The following NRXN1 variants were observed in gnomAD, a reference collection of about 807,000 sequenced individuals.
The protein encoded by NRXN1 is neurexin-1.
In NRXN1, 39 loss-of-function variants were observed where a neutral mutation model predicts 150.9. The ratio of observed to expected loss-of-function variants is 0.26; its 90% CI spans 0.20 to 0.34. NRXN1 has a LOEUF of 0.34. Among genes scored for constraint, NRXN1 ranks in the 10% least tolerant of loss-of-function variants. The pLI is 1.00. For missense variants in NRXN1, 1,815 were observed against 1,949.9 expected, an observed-to-expected ratio of 0.93 and a Z score of 1.30; for synonymous variants, 924 against 757.0, an observed-to-expected ratio of 1.22 and a Z score of -3.62.
At chr2:50,677,981 T>C (rs1689790125) in intron 5 of NRXN1, among the ~76,000 whole-genome samples, 1 of 152,112 alleles carries the variant, frequency 6.6e-6, no homozygotes, top group Admixed American at 6.6e-5. Context: ...ATATTAAATT[T>C]TCCTTCATTA....
At position 50,091,440 on chromosome 2, in the gene NRXN1, C is replaced by T. The variant is rs749855443; in HGVS notation, c.3601G>A (p.Glu1201Lys). 1 of 1,614,192 alleles carries T rather than the reference C, an allele frequency of 6.2e-7. No individual in the cohort carries two copies. Among genetic ancestry groups the T allele is most frequent in the South Asian group, 1.1e-5 (1 of 91,090 alleles). Residue 1201 changes from glutamate (E) to lysine (K), a missense_variant, in exon 19 of 23, where the codon GAA becomes AAA. Around this residue, in one of 6 missense-constraint regions of NRXN1, gnomAD observed 339 missense variants for 440.3 expected, o/e 0.77. Coordinates refer to ENST00000401669, the MANE Select transcript of NRXN1 (RefSeq NM_001330078.2). ...FNVGTDDIAI[E>K]ESNAIINDGK... is the part of the protein sequence containing the mutation. Reference sequence around the variant, plus strand: ...TCATTAATGATTGCATTGGATTCTTCAATGGCGATGTCATCTGTCCCAACA... The same window carrying T: ...TCATTAATGATTGCATTGGATTCTTTAATGGCGATGTCATCTGTCCCAACA...
chr2:50,246,524 T>A (rs2066521845), intron 17 of NRXN1, among the ~76,000 whole-genome samples: 1 of 152,116 alleles, frequency 6.6e-6, no homozygotes, highest in Non-Finnish European at 1.5e-5. Context: ...GCCTATCTGC[T>A]ATACTTAAGT....
chr2:50,924,559 T>C (rs927581520), intron 3 of NRXN1, among the ~76,000 whole-genome samples: 4 of 151,686 alleles, frequency 2.6e-5, no homozygotes, highest in African/African-American at 4.8e-5. Flanking sequence ...TTAAACTCAG[T>C]TGACATGCAC....
intron 5 of NRXN1, among the ~76,000 whole-genome samples, chr2:50,873,315 T>C (rs1439270209): frequency 1.3e-5 from 2 of 151,864 alleles, no homozygotes; most frequent in Non-Finnish European, 2.9e-5. Flanking sequence ...AAACAAATCT[T>C]GATAGCCAAA....
rs188614313 is a variant in NRXN1, at chr2:50,480,076, T to C, written c.3071-7605A>G. Among the ~76,000 whole-genome samples the C allele has an allele frequency of 6.9e-4, 105 of 152,326 alleles. 1 individual carries two copies. The highest frequency in any genetic ancestry group is 2.5e-3 in the African/African-American group (104 of 41,568). On this transcript the variant is annotated intron_variant, in intron 15 of 22. Coordinates refer to ENST00000401669, the MANE Select transcript of NRXN1 (RefSeq NM_001330078.2). ...GCGTAAGCCACCATGCCCGGCCTGATCCCTTTCTTAAACACAAAGGTGAAG... is the reference window on the plus strand; with the variant it reads ...GCGTAAGCCACCATGCCCGGCCTGACCCCTTTCTTAAACACAAAGGTGAAG...
At chr2:50,342,414 T>G (rs2077613347) in intron 17 of NRXN1, among the ~76,000 whole-genome samples, 1 of 152,228 alleles carries the variant, frequency 6.6e-6, no homozygotes, top group African/African-American at 2.4e-5. Context: ...ACATTCTGGG[T>G]CACACATATG....
intron 17 of NRXN1, among the ~76,000 whole-genome samples, chr2:50,397,904 A>T (rs1052838455): frequency 4.6e-5 from 7 of 152,194 alleles, no homozygotes; most frequent in African/African-American, 1.7e-4. Context: ...ATTGACCAAC[A>T]AATACAGTAA....
Position 50,795,176 on chromosome 2 carries a change from G to GT in NRXN1, c.832+126692dup, listed in dbSNP as rs1271650858. Among the ~76,000 whole-genome samples, 2 of 152,052 alleles carry GT rather than the reference G, an allele frequency of 1.3e-5. 1 individual carries two copies. The highest frequency in any genetic ancestry group is 2.9e-5 in the Non-Finnish European group (2 of 67,972). ...ATCTATTTTACACTGAGCATCAGGAGTTTTTTAACTTTATGTAGATAAGAT... is the reference window on the plus strand; with the variant it reads ...ATCTATTTTACACTGAGCATCAGGAGTTTTTTTAACTTTATGTAGATAAGAT... On this transcript the variant is annotated intron_variant, in intron 5 of 22. Coordinates refer to ENST00000401669, the MANE Select transcript of NRXN1 (RefSeq NM_001330078.2).
chr2:50,553,177 A>C (rs1473990694), intron 8 of NRXN1, among the ~76,000 whole-genome samples, 152 bp from the exon 9 acceptor site: 3 of 152,236 alleles, frequency 2.0e-5, no homozygotes, highest in Non-Finnish European at 4.4e-5. Flanking sequence ...CAGGCAAATA[A>C]AATTCAAGTG....
At chr2:50,930,880 G>T (rs1449356790) in intron 2 of NRXN1, among the ~76,000 whole-genome samples, 2 of 152,118 alleles carry the variant, frequency 1.3e-5, no homozygotes, top group Non-Finnish European at 2.9e-5. Context: ...CCTAAGAAAG[G>T]TGGCTCAGGT....
At chr2:50,145,379 A>C (rs1250479795) in intron 18 of NRXN1, among the ~76,000 whole-genome samples, 1 of 151,650 alleles carries the variant, frequency 6.6e-6, no homozygotes, top group African/African-American at 2.4e-5. Flanking sequence ...TTTACCTCTT[A>C]AATATTGTGT....
intron 12 of NRXN1, among the ~76,000 whole-genome samples, chr2:50,508,982 G>C (rs2092350490): frequency 6.6e-6 from 1 of 152,184 alleles, no homozygotes; most frequent in South Asian, 2.1e-4. Context: ...GCTAGATCAT[G>C]ATTTCCTACT....
At chr2:50,951,610 T>A (rs917879190) in intron 2 of NRXN1, among the ~76,000 whole-genome samples, 3 of 151,966 alleles carry the variant, frequency 2.0e-5, no homozygotes, top group African/African-American at 7.2e-5. Context: ...CAAAAAAAAA[T>A]GTCACCAACT....
At chr2:50,599,020 C>T (rs906492738) in intron 8 of NRXN1, among the ~76,000 whole-genome samples, 5 of 152,030 alleles carry the variant, frequency 3.3e-5, no homozygotes, top group Admixed American at 1.3e-4. Context: ...GATCCACTCG[C>T]CTCAGCCTCC....
intron 5 of NRXN1, among the ~76,000 whole-genome samples, chr2:50,753,969 G>T (rs1159657146): frequency 1.4e-5 from 2 of 141,522 alleles, no homozygotes. Context: ...TTTTTTGGGG[G>T]GGGGCGGAAT....
chr2:50,815,005 T>A (rs905012152), intron 5 of NRXN1, among the ~76,000 whole-genome samples: 2 of 151,982 alleles, frequency 1.3e-5, no homozygotes, highest in South Asian at 2.1e-4. Context: ...TGTCATAGAA[T>A]CAGAAAATGT....
chr2:50,156,147 T>A (rs1281921425), intron 18 of NRXN1, among the ~76,000 whole-genome samples: 2 of 151,650 alleles, frequency 1.3e-5, no homozygotes, highest in East Asian at 3.9e-4. Context: ...ACTTTTGGAA[T>A]AAAAAAGGAA....
intron 5 of NRXN1, among the ~76,000 whole-genome samples, chr2:50,741,310 T>C (rs563952063): frequency 6.6e-6 from 1 of 152,154 alleles, no homozygotes; most frequent in Non-Finnish European, 1.5e-5. Context: ...ATAGTGTAAC[T>C]TTGAAAAAGG....
chr2:50,725,523 C>T (rs938001888), intron 5 of NRXN1, among the ~76,000 whole-genome samples: 4 of 152,024 alleles, frequency 2.6e-5, no homozygotes, highest in Non-Finnish European at 4.4e-5. Context: ...GAAAGAGATC[C>T]ACAAATCCTT....
Sources: allele counts gnomAD v4.1 joint callset (sites outside exome capture counted in the v4.1 genomes callset), GRCh38; gene constraint gnomAD v4.1.1; regional missense constraint gnomAD v4.1.1; transcripts MANE v1.5; gene names NCBI Gene and HGNC (gene_info 2026-07-23, HGNC 2026-07-21).